SNX27: variants seen among roughly 807,000 people sequenced by gnomAD.
SNX27 encodes the protein sorting nexin 27.
A neutral mutation model predicts 71.6 loss-of-function variants in SNX27; 22 were observed. The observed-to-expected ratio is 0.31, with a 90% CI of 0.22 to 0.44. The LOEUF (loss-of-function observed/expected upper bound fraction) is 0.44, where lower values mean the gene tolerates loss of function less well. Among genes scored for constraint, SNX27 ranks in the 20% least tolerant of loss-of-function variants. SNX27 has a pLI of 1.00. For synonymous variants in SNX27, 269 were observed against 277.2 expected (o/e 0.97, Z 0.29); for missense variants, 531 against 698.6 (o/e 0.76, Z 2.70).
chr1:151,660,340 T>C (rs1470011654), intron 3 of SNX27: 1 of 150,154 alleles, frequency 6.7e-6, no homozygotes, highest in Non-Finnish European at 1.5e-5. Flanking sequence ...TTTCCCAAAA[T>C]AGCTTTTAAT....
chr1:151,635,674 G>T (rs1369212290), intron 1 of SNX27, among the ~76,000 whole-genome samples: 1 of 152,142 alleles, frequency 6.6e-6, no homozygotes, highest in Non-Finnish European at 1.5e-5. Context: ...AAGAATGAAG[G>T]AATTTCCCAC....
intron 2 of SNX27, among the ~76,000 whole-genome samples, chr1:151,647,123 T>C (rs1669082088): frequency 6.9e-6 from 1 of 144,146 alleles, no homozygotes; most frequent in Non-Finnish European, 1.5e-5. Flanking sequence ...GTTTACATCA[T>C]CTCTATTACT....
chr1:151,640,220 C>G (rs1571795227), intron 2 of SNX27, among the ~76,000 whole-genome samples: 1 of 152,236 alleles, frequency 6.6e-6, no homozygotes, highest in South Asian at 2.1e-4. Context: ...TTCCTAAGTG[C>G]TAACTTTGAG....
chr1:151,694,195 C>T (rs1671594774), intron 11 of SNX27, 175 bp from the exon 12 acceptor site: 2 of 1,367,556 alleles, frequency 1.5e-6, no homozygotes, highest in Non-Finnish European at 1.9e-6. Context: ...AATTAATATC[C>T]AAGGTCCCTT....
rs186441398 is a variant in SNX27, at chr1:151,616,441, T to A, written c.311+3929T>A. 6.7e-4 allele frequency among the ~76,000 whole-genome samples: 102 copies of A among 152,342 alleles called. 1 individual carries two copies. Among genetic ancestry groups the A allele is most frequent in the African/African-American group, 2.4e-3 (98 of 41,582 alleles). Reference sequence around the variant, plus strand: ...ATATATTTATGCTAGTCAGTATATATGCTTTCCTCTTTGATAGCCACCAGA... The same window carrying A: ...ATATATTTATGCTAGTCAGTATATAAGCTTTCCTCTTTGATAGCCACCAGA... On this transcript the variant is annotated intron_variant, in intron 1 of 11. Transcript: ENST00000458013.
intron 9 of SNX27, 30 bp downstream of exon 9, chr1:151,692,614 G>A (rs761893218): frequency 4.3e-5 from 69 of 1,597,088 alleles, no homozygotes; most frequent in Middle Eastern, 3.8e-4. Flanking sequence ...CTCTGGCTGC[G>A]AGGACTGGAG....
At chr1:151,659,709 C>T (rs1669871202) in intron 3 of SNX27, 1 of 152,166 alleles carries the variant, frequency 6.6e-6, no homozygotes. Flanking sequence ...CATCAGGAGT[C>T]TGTGGATGTG....
chr1:151,695,164 C>T lies in SNX27; in HGVS notation c.*747C>T, dbSNP rs1390508196. The stretch of plus-strand genomic sequence containing the variant: ...GGGGAGGAGAAAGAGGTGTGTTTCT[C>T]AAGGTTAACAGGCTGTAGTTCTGCA... On this transcript the variant is annotated 3_prime_UTR_variant, in exon 12 of 12. Transcript: ENST00000458013. 1.3e-5 allele frequency: 2 copies of T among 152,526 alleles called. No homozygotes were observed. The highest frequency in any genetic ancestry group is 4.8e-5 in the African/African-American group (2 of 41,408). 9.4% of individuals were successfully genotyped at this position (152,526 alleles called of 1,614,324 possible). A position where few individuals can be genotyped will look rare whatever the true frequency, so the allele number is the denominator to read the frequency against.
chr1:151,698,000 C>G lies in SNX27; in HGVS notation c.*3583C>G, dbSNP rs1373136032. On this transcript the variant is annotated 3_prime_UTR_variant, in exon 12 of 12. Transcript: ENST00000458013. ...CTTGGGCCATGCTTTGGGCCCTCTG[C>G]TCTTTATATGTTTATTCTATTCTCC... is the stretch of plus-strand genomic sequence containing the variant. The G allele has an allele frequency of 1.3e-5, 2 of 152,198 alleles. No individual in the cohort carries two copies. The highest frequency in any genetic ancestry group is 4.8e-5 in the African/African-American group (2 of 41,434). 9.4% of individuals were successfully genotyped at this position (152,198 alleles called of 1,614,324 possible). A position where few individuals can be genotyped will look rare whatever the true frequency, so the allele number is the denominator to read the frequency against.
Position 151,668,456 on chromosome 1 carries a change from T to C in SNX27, c.986-16T>C. On this transcript the variant is annotated splice_polypyrimidine_tract_variant and intron_variant, in intron 6 of 11. Coordinates refer to ENST00000458013, the MANE Select transcript of SNX27 (RefSeq NM_001330723.2). ...ATCTTTTCACTCCAGCTTTCTGTGT[T>C]TTGTCTTTCCTTTAGTACGTAAATT... The C allele has an allele frequency of 1.2e-6, 2 of 1,602,018 alleles. No homozygotes were observed. The highest frequency in any genetic ancestry group is 1.7e-6 in the Non-Finnish European group (2 of 1,175,886).
chr1:151,649,610 C>T (rs1669230583), intron 2 of SNX27, among the ~76,000 whole-genome samples: 1 of 152,158 alleles, frequency 6.6e-6, no homozygotes, highest in African/African-American at 2.4e-5. Flanking sequence ...CTCCAGTCTT[C>T]TGGTTTTCAT....
At chr1:151,668,810 A>C (rs1447303487) in intron 7 of SNX27, among the ~76,000 whole-genome samples, 175 bp downstream of exon 7, 1 of 152,252 alleles carries the variant, frequency 6.6e-6, no homozygotes, top group African/African-American at 2.4e-5. Context: ...AAGTTTTAGA[A>C]GTAAAGATAT....
chr1:151,667,229 A>G (rs528243138), intron 6 of SNX27: 1 of 95,128 alleles, frequency 1.1e-5, no homozygotes, highest in Non-Finnish European at 2.0e-5. Context: ...AGCCTGGGCA[A>G]CAAGTGAGAC....
At chr1:151,641,694 T>G (rs56391735) in intron 2 of SNX27, among the ~76,000 whole-genome samples, 118,436 of 127,572 alleles carry the variant, frequency 0.93, 55,551 homozygotes, top group Non-Finnish European at 0.99. Context: ...GATATATATA[T>G]CATATATATG....
chr1:151,629,871 G>A (rs552653459), intron 1 of SNX27, among the ~76,000 whole-genome samples: 6 of 151,738 alleles, frequency 4.0e-5, no homozygotes, highest in Non-Finnish European at 7.4e-5. Flanking sequence ...GAGCCAATGT[G>A]CCCGGCCACT....
intron 4 of SNX27, among the ~76,000 whole-genome samples, chr1:151,661,871 C>G (rs28663541): frequency 6.6e-6 from 1 of 152,102 alleles, no homozygotes. Context: ...GAAAGGGAAG[C>G]GAATCAAAAA....
chr1:151,681,317 C>G (rs925294040), intron 7 of SNX27, among the ~76,000 whole-genome samples: 8 of 142,762 alleles, frequency 5.6e-5, no homozygotes, highest in African/African-American at 2.1e-4. Flanking sequence ...TCTCGGCTCA[C>G]TGCAAGTTCC....
intron 5 of SNX27, 145 bp downstream of exon 5, chr1:151,662,415 G>A (rs1029088381): frequency 8.1e-6 from 4 of 494,020 alleles, no homozygotes; most frequent in African/African-American, 3.9e-5. Flanking sequence ...TATTATTAAT[G>A]TGAAAGTACT....
intron 1 of SNX27, among the ~76,000 whole-genome samples, chr1:151,617,124 T>A (rs977602440): frequency 6.6e-6 from 1 of 152,172 alleles, no homozygotes; most frequent in Non-Finnish European, 1.5e-5. Flanking sequence ...TTCTATCTGA[T>A]CGTCTATACT....
Sources: gnomAD v4.1 joint callset for allele counts (sites outside exome capture counted in the v4.1 genomes callset) on GRCh38, gnomAD v4.1.1 for gene constraint, MANE v1.5 for transcripts, NCBI Gene and HGNC (gene_info 2026-07-23, HGNC 2026-07-21) for gene names.